IDUA: variants seen among roughly 807,000 people sequenced by gnomAD.
IDUA encodes iduronidase alpha-L-.
In IDUA, 65 loss-of-function variants were observed where a neutral mutation model predicts 68.9. The ratio of observed to expected loss-of-function variants is 0.94; its 90% CI spans 0.77 to 1.16. The LOEUF is 1.16. Among genes scored for constraint, IDUA ranks in the 50% most tolerant of loss-of-function variants. The pLI is 0.00. For synonymous variants in IDUA, 529 were observed against 433.6 expected (o/e 1.22, Z -2.73); for missense variants, 1,046 against 938.0 (o/e 1.12, Z -1.50).
At position 987,258 on chromosome 4, in the gene IDUA, C is replaced by T. The variant is rs755914562; in HGVS notation, c.158+16C>T. ...CAGGCTTCTGGTGAGCGCTCCGCGG[C>T]CTCCGGGACCCCCTGGCCGCACGGG... On this transcript the variant is annotated intron_variant, in intron 1 of 13. Coordinates refer to ENST00000514224, the MANE Select transcript of IDUA (RefSeq NM_000203.5). 2.0e-6 allele frequency: 3 copies of T among 1,513,706 alleles called. No homozygotes were observed. Among genetic ancestry groups the T allele is most frequent in the South Asian group, 1.2e-5 (1 of 81,932 alleles). 93.8% of individuals were successfully genotyped at this position (1,513,706 alleles called of 1,614,324 possible).
At chr4:994,478 C>G (rs1256188762) in intron 2 of IDUA, among the ~76,000 whole-genome samples, 1 of 149,904 alleles carries the variant, frequency 6.7e-6, no homozygotes, top group African/African-American at 2.5e-5. Flanking sequence ...CGCTCTGTTG[C>G]CCAGGCTGGA....
At chr4:991,427 G>A in intron 2 of IDUA, 1 of 1,612,832 alleles carries the variant, frequency 6.2e-7, no homozygotes, top group Non-Finnish European at 8.5e-7. Context: ...AGCCCGGCCA[G>A]CAATGAGTAG....
rs375420504 is a variant in IDUA at position 991,902 on chromosome 4, T to C, written c.299+3953T>C. ...GCCCCAGCCCCCTGCCCGGTATGGA[T>C]GGACGCTGGGCCCTGCTGGATCCAG... On this transcript the variant is annotated intron_variant, in intron 2 of 13. Transcript: ENST00000514224. The C allele has an allele frequency of 5.0e-4, 585 of 1,169,494 alleles. 4 individuals are homozygous for C. The South Asian group carries it at 6.9e-3, about 14-fold the overall frequency. 72.4% of individuals were successfully genotyped at this position (1,169,494 alleles called of 1,614,324 possible).
At position 1,004,435 on chromosome 4, in the gene IDUA, C is replaced by T. The variant is rs1368487447; in HGVS notation, c.*42C>T. 5 of 1,604,410 alleles carry T rather than the reference C, an allele frequency of 3.1e-6. No homozygotes were observed. In the Admixed American group the frequency reaches 5.0e-5, roughly 16 times the overall value. ...AGTGGGTTGCACCTCCACCGGCAGT[C>T]AGCGAGCTGGGGCTGCACTGTGCCC... On this transcript the variant is annotated 3_prime_UTR_variant, in exon 14 of 14. Transcript: ENST00000514224. The surrounding 1 kb of genome is among the most constrained non-coding windows in gnomAD (Gnocchi z 5.0).
intron 2 of IDUA, among the ~76,000 whole-genome samples, chr4:998,783 A>ACCCCCCCCCCCCCCCCCCCCCCCCC (rs148444493): frequency 8.3e-6 from 1 of 120,754 alleles, no homozygotes; most frequent in African/African-American, 3.3e-5. Flanking sequence ...CGACCCCCCG[A>ACCCCCCCCCCCCCCCCCCCCCCCCC]CCCCCCACCT....
rs372137794 is a variant in IDUA at position 1,004,287 on chromosome 4, G to A, written c.1856G>A (p.Arg619Gln). ...ACAGGTGCTGTCTCTGGCTCCTACC[G>A]AGTTCGAGCCCTGGACTACTGGGCC... ...PDTGAVSGSY[R>Q]VRALDYWARP... The change falls in exon 14 of 14, where the codon CGA (arginine) becomes CAA (glutamine). Residue 619 changes from arginine to glutamine, a missense_variant. Coordinates refer to ENST00000514224, the MANE Select transcript of IDUA (RefSeq NM_000203.5). This position sits in a 1 kb window ranked among gnomAD's most constrained non-coding sequence, Gnocchi z 5.0. The A allele has an allele frequency of 2.6e-4, 424 of 1,610,692 alleles. 2 individuals carry two copies. The South Asian group carries it at 4.2e-3, about 16-fold the overall frequency.
At chr4:991,268 A>G in intron 2 of IDUA, 2 of 1,612,612 alleles carry the variant, frequency 1.2e-6, no homozygotes, top group Non-Finnish European at 1.7e-6. Context: ...GAGGGGTCAA[A>G]GCCGGCCAGC....
At chr4:989,346 G>A (rs763141406) in intron 2 of IDUA, 6 of 1,599,710 alleles carry the variant, frequency 3.8e-6, no homozygotes, top group Admixed American at 3.4e-5. Flanking sequence ...GCTCAGGGAC[G>A]AGGCCCTCGA....
intron 1 of IDUA, chr4:987,549 A>G: frequency 1.7e-6 from 2 of 1,172,110 alleles, no homozygotes; most frequent in Non-Finnish European, 2.3e-6. Context: ...CATTCCTTCC[A>G]CCTAGAGCTG....
In IDUA at chr4:990,158, C is replaced by T. The variant is rs139938830; in HGVS notation, c.299+2209C>T. 1.7e-4 allele frequency: 271 copies of T among 1,563,450 alleles called. No individual in the cohort carries two copies. The highest frequency in any genetic ancestry group is 8.2e-4 in the African/African-American group (61 of 73,992). On this transcript the variant is annotated intron_variant, in intron 2 of 13. Coordinates refer to ENST00000514224, the MANE Select transcript of IDUA (RefSeq NM_000203.5). The stretch of plus-strand genomic sequence containing the variant: ...ACCGTGCTGGTGACCACGTCGCACA[C>T]GTTGGCCTGCCCGGCGCCGCGCAGC...
intron 2 of IDUA, among the ~76,000 whole-genome samples, chr4:996,899 G>C (rs1714771483): frequency 6.6e-6 from 1 of 152,126 alleles, no homozygotes; most frequent in African/African-American, 2.4e-5. Flanking sequence ...TTCCTTCCCC[G>C]CTTGGCCCAC....
intron 12 of IDUA, 190 bp from the exon 13 acceptor site, chr4:1,003,822 A>C: frequency 1.3e-6 from 1 of 774,318 alleles, no homozygotes; most frequent in East Asian, 2.6e-5. Context: ...GGGTTCTCCT[A>C]GGGGACATGA....
Position 987,804 on chromosome 4 carries a change from C to T in IDUA, c.159-5C>T. ...GGGACTGAGCCGCCCCTTTGTTGTC[C>T]CCAGCCCCCCGCTGCCACACAGCCA... is the stretch of plus-strand genomic sequence containing the variant. On this transcript the variant is annotated splice_region_variant and splice_polypyrimidine_tract_variant and intron_variant, in intron 1 of 13. Coordinates refer to ENST00000514224, the MANE Select transcript of IDUA (RefSeq NM_000203.5). 1 of 1,612,190 alleles carries T rather than the reference C, an allele frequency of 6.2e-7. No homozygotes were observed. The highest frequency in any genetic ancestry group is 8.5e-7 in the Non-Finnish European group (1 of 1,179,820).
At chr4:989,828 C>A in intron 2 of IDUA, 1 of 1,580,470 alleles carries the variant, frequency 6.3e-7, no homozygotes, top group Non-Finnish European at 8.6e-7. Context: ...TTGGCACGCA[C>A]AGAGTAGCCG....
intron 2 of IDUA, among the ~76,000 whole-genome samples, chr4:995,773 T>C (rs1560542229): frequency 6.6e-6 from 1 of 152,348 alleles, no homozygotes; most frequent in East Asian, 1.9e-4. Context: ...GGAAGCCGTC[T>C]GCCAAGCGCT....
chr4:999,031 C>T (rs527269090), intron 2 of IDUA, among the ~76,000 whole-genome samples: 57 of 152,066 alleles, frequency 3.7e-4, no homozygotes, highest in East Asian at 2.7e-3. Context: ...GGTGAAACTC[C>T]GTCTCTACTA....
Position 1,001,776 on chromosome 4 carries a change from G to A in IDUA, c.687G>A (p.Pro229=), listed in dbSNP as rs1488689927. The change falls in exon 6 of 14, where the codon CCG becomes CCA. Residue 229 remains proline (P), a synonymous_variant. Transcript: ENST00000514224. ...CCGGCGACTCCTTCCACACCCCACC[G>A]CGATCCCCGCTGAGCTGGGGCCTCC... ...GGPGDSFHTP[P]RSPLSWGLLR... is the part of the protein sequence containing the mutation. 1 of 1,601,632 alleles carries A rather than the reference G, an allele frequency of 6.2e-7. No homozygotes were observed.
Position 989,413 on chromosome 4 carries a change from C to G in IDUA, c.299+1464C>G, listed in dbSNP as rs763363876. On this transcript the variant is annotated intron_variant, in intron 2 of 13. Transcript: ENST00000514224. ...CCCGATGCGGGCCAGCAGGGCGGTGCGTGGGCGTTGGGTGCGGCCGGCCAG... is the reference window on the plus strand; with the variant it reads ...CCCGATGCGGGCCAGCAGGGCGGTGGGTGGGCGTTGGGTGCGGCCGGCCAG... The G allele has an allele frequency of 1.9e-6, 3 of 1,559,390 alleles. No homozygotes were observed. The East Asian group carries it at 7.2e-5, about 38-fold the overall frequency.
chr4:1,002,691 G>C (rs1422039990), intron 8 of IDUA, 41 bp from the exon 9 acceptor site: 7 of 1,378,020 alleles, frequency 5.1e-6, no homozygotes, highest in East Asian at 2.9e-5. Context: ...GGGCGGCTGG[G>C]CAACGACCCC....
Sources: allele counts gnomAD v4.1 joint callset (sites outside exome capture counted in the v4.1 genomes callset), GRCh38; gene constraint gnomAD v4.1.1; non-coding constraint Gnocchi (gnomAD v3.1); transcripts MANE v1.5; gene names NCBI Gene and HGNC (gene_info 2026-07-23, HGNC 2026-07-21).